The following HSPA12A variants were observed in gnomAD, a reference collection of about 807,000 sequenced individuals.
HSPA12A encodes heat shock 70 kDa protein 12A.
Under a neutral mutation model 69.2 loss-of-function variants are expected in HSPA12A, and 28 were observed. The ratio of observed to expected loss-of-function variants is 0.40; its 90% CI spans 0.30 to 0.55. HSPA12A has a LOEUF of 0.55. HSPA12A is among the 20% of genes least tolerant of loss of function. The pLI, the probability that HSPA12A is intolerant of heterozygous loss-of-function variation, is 0.38. For missense variants in HSPA12A, 686 were observed against 900.7 expected (o/e 0.76, Z 3.05); for synonymous variants, 345 against 370.5 (o/e 0.93, Z 0.79).
chr10:116,733,893 C>T (rs1851234489), intron 1 of HSPA12A, among the ~76,000 whole-genome samples: 1 of 152,136 alleles, frequency 6.6e-6, no homozygotes, highest in Non-Finnish European at 1.5e-5. Flanking sequence ...GGACGTAACC[C>T]TATTGTAAGT....
At position 116,774,159 on chromosome 10, in the gene HSPA12A, G is replaced by A. The variant is rs981644805; in HGVS notation, c.91+60776C>T. Among the ~76,000 whole-genome samples, 66 of 152,076 alleles carry A rather than the reference G, an allele frequency of 4.3e-4. 1 individual carries two copies. The East Asian group carries it at 0.012, about 27-fold the overall frequency. On this transcript the variant is annotated intron_variant, in intron 2 of 12. Coordinates refer to the HSPA12A transcript ENST00000635765. ...CAAGTAGCTGGGACTACAGGCGCCC[G>A]CCACTACGCCCGGCTAATTTTTTGT...
In HSPA12A at chr10:116,842,256, G is replaced by A. The variant is rs182323427; in HGVS notation, c.4-7234C>T. 2.5e-3 allele frequency among the ~76,000 whole-genome samples: 386 copies of A among 152,234 alleles called. 1 individual carries two copies. The highest frequency in any genetic ancestry group is 3.9e-3 in the Non-Finnish European group (264 of 68,028). ...CAGGGGCCAGGAAGCAAACCCAATC[G>A]ATATTTACAAGAGTCACAGAGAAAA... On this transcript the variant is annotated intron_variant, in intron 1 of 12. Coordinates refer to the HSPA12A transcript ENST00000635765.
At chr10:116,834,620 G>A (rs1400693996) in intron 2 of HSPA12A, among the ~76,000 whole-genome samples, 1 of 152,204 alleles carries the variant, frequency 6.6e-6, no homozygotes, top group East Asian at 1.9e-4. Context: ...CACGAGGCCG[G>A]TAGGCTACCC....
chr10:116,762,588 T>A (rs1235044706), intron 2 of HSPA12A, among the ~76,000 whole-genome samples: 2 of 152,088 alleles, frequency 1.3e-5, no homozygotes, highest in East Asian at 3.9e-4. Flanking sequence ...TACTCTTTCT[T>A]TTTTTATTTT....
At chr10:116,824,418 A>C (rs918505118) in intron 2 of HSPA12A, among the ~76,000 whole-genome samples, 2 of 152,228 alleles carry the variant, frequency 1.3e-5, no homozygotes, top group Non-Finnish European at 2.9e-5. Flanking sequence ...ACCCAAGAGA[A>C]GCGAAAAAAT....
At chr10:116,813,928 AACAG>A (rs1165114269) in intron 2 of HSPA12A, among the ~76,000 whole-genome samples, 7 of 152,180 alleles carry the variant, frequency 4.6e-5, no homozygotes, top group African/African-American at 1.7e-4. Context: ...GTAATAGAAT[AACAG>A]ACAGACAAAC....
intron 2 of HSPA12A, among the ~76,000 whole-genome samples, chr10:116,772,758 G>A (rs1377178622): frequency 1.3e-5 from 2 of 152,062 alleles, no homozygotes; most frequent in Admixed American, 6.5e-5. Context: ...GCAGTGGTGT[G>A]ATCACGGCTC....
intron 2 of HSPA12A, among the ~76,000 whole-genome samples, chr10:116,748,208 G>A (rs1489457021): frequency 6.6e-6 from 1 of 152,168 alleles, no homozygotes; most frequent in African/African-American, 2.4e-5. Flanking sequence ...ACTTGGTGAT[G>A]ACTCACTGGG....
At chr10:116,760,391 G>T (rs1554889167) in intron 2 of HSPA12A, among the ~76,000 whole-genome samples, 1 of 152,058 alleles carries the variant, frequency 6.6e-6, no homozygotes, top group Non-Finnish European at 1.5e-5. Flanking sequence ...GAGCCCTGGA[G>T]TTTAGAACCC....
At chr10:116,828,391 C>A (rs1263592807) in intron 2 of HSPA12A, among the ~76,000 whole-genome samples, 1 of 152,152 alleles carries the variant, frequency 6.6e-6, no homozygotes, top group Non-Finnish European at 1.5e-5. Context: ...CGAGGCATGG[C>A]CCTGGCAAAG....
chr10:116,755,069 T>A (rs1554888630), intron 2 of HSPA12A, among the ~76,000 whole-genome samples: 2 of 152,098 alleles, frequency 1.3e-5, no homozygotes. Flanking sequence ...TTCTCACACC[T>A]CAGCCTCTAG....
chr10:116,822,578 T>G (rs2133199337), intron 2 of HSPA12A, among the ~76,000 whole-genome samples: 1 of 152,308 alleles, frequency 6.6e-6, no homozygotes, highest in African/African-American at 2.4e-5. Context: ...TTGACATGAA[T>G]TTGGTGCATG....
intron 2 of HSPA12A, among the ~76,000 whole-genome samples, chr10:116,774,219 C>T (rs868945966): frequency 5.3e-5 from 8 of 152,174 alleles, no homozygotes; most frequent in Non-Finnish European, 1.2e-4. Flanking sequence ...CCGTTTTAGC[C>T]GGGATGGTCT....
intron 2 of HSPA12A, among the ~76,000 whole-genome samples, chr10:116,819,896 G>A (rs1341386241): frequency 1.3e-5 from 2 of 152,014 alleles, no homozygotes; most frequent in East Asian, 3.9e-4. Flanking sequence ...GCATAAACTC[G>A]GCTTACTGCA....
chr10:116,817,717 A>G (rs1196263576), intron 2 of HSPA12A, among the ~76,000 whole-genome samples: 1 of 152,152 alleles, frequency 6.6e-6, no homozygotes, highest in Non-Finnish European at 1.5e-5. Flanking sequence ...CTGCCTCAAG[A>G]ATGTGGGTCA....
At chr10:116,696,685 C>T (rs1215081286) in intron 5 of HSPA12A, among the ~76,000 whole-genome samples, 1 of 152,162 alleles carries the variant, frequency 6.6e-6, no homozygotes, top group African/African-American at 2.4e-5. Flanking sequence ...TGAGGACTCC[C>T]CATTAACCAA....
At chr10:116,795,510 G>A (rs1270230662) in intron 2 of HSPA12A, among the ~76,000 whole-genome samples, 8 of 114,690 alleles carry the variant, frequency 7.0e-5, no homozygotes, top group African/African-American at 1.2e-4. Context: ...GAAACCTGCC[G>A]CTACTAAAAA....
chr10:116,799,492 T>C (rs563463787), intron 2 of HSPA12A, among the ~76,000 whole-genome samples: 1 of 152,108 alleles, frequency 6.6e-6, no homozygotes, highest in Admixed American at 6.5e-5. Flanking sequence ...CATACACAAA[T>C]GTGCACACAC....
chr10:116,679,286 T>C (rs1849332261), intron 10 of HSPA12A, among the ~76,000 whole-genome samples: 1 of 152,240 alleles, frequency 6.6e-6, no homozygotes, highest in Non-Finnish European at 1.5e-5. Context: ...ATGTATGAAT[T>C]CATTGCATTC....
Sources: allele counts gnomAD v4.1 joint callset (sites outside exome capture counted in the v4.1 genomes callset), GRCh38; gene constraint gnomAD v4.1.1; transcripts MANE v1.5; gene names NCBI Gene and HGNC (gene_info 2026-07-23, HGNC 2026-07-21).